The following PPP1CB variants were observed in gnomAD, a reference collection of about 807,000 sequenced individuals.
PPP1CB encodes the protein protein phosphatase 1 catalytic subunit beta, also known as serine/threonine-protein phosphatase PP1-beta catalytic subunit.
PPP1CB carries 2 observed loss-of-function variants against 43.7 expected under a neutral mutation model. The ratio of observed to expected loss-of-function variants is 0.05; its 90% CI spans 0.02 to 0.14. The LOEUF is 0.14. PPP1CB is among the 10% of genes least tolerant of loss of function. PPP1CB has a pLI of 1.00. For missense variants in PPP1CB, 84 were observed against 398.0 expected, an observed-to-expected ratio of 0.21 and a Z score of 6.71; for synonymous variants, 136 against 135.6, an observed-to-expected ratio of 1.00 and a Z score of -0.02.
intron 1 of PPP1CB, among the ~76,000 whole-genome samples, chr2:28,759,734 C>T (rs1027151998): frequency 6.6e-6 from 1 of 151,650 alleles, no homozygotes; most frequent in East Asian, 2.0e-4. Context: ...TCTCCTGCCT[C>T]AGCCTCCTGA....
In PPP1CB at chr2:28,770,239, G is replaced by A. The variant is rs536847947; in HGVS notation, c.53-6612G>A. On this transcript the variant is annotated intron_variant, in intron 1 of 7. Transcript: ENST00000395366. Reference sequence around the variant, plus strand: ...GATCATGCCGCTGCACTCCAGCCTGGGTGACAGAGTGAGACTCCATCTCAA... The same window carrying A: ...GATCATGCCGCTGCACTCCAGCCTGAGTGACAGAGTGAGACTCCATCTCAA... Among the ~76,000 whole-genome samples, 374 of 152,204 alleles carry A rather than the reference G, an allele frequency of 2.5e-3. 2 individuals are homozygous for A. Among genetic ancestry groups the A allele is most frequent in the African/African-American group, 8.4e-3 (347 of 41,510 alleles).
chr2:28,780,484 C>G (rs1667135338), intron 3 of PPP1CB, among the ~76,000 whole-genome samples: 1 of 152,146 alleles, frequency 6.6e-6, no homozygotes. Context: ...TTATTTAAAT[C>G]AGACTAGCAG....
intron 1 of PPP1CB, among the ~76,000 whole-genome samples, chr2:28,776,246 G>GT (rs1306821340): frequency 5.4e-5 from 8 of 148,934 alleles, no homozygotes; most frequent in African/African-American, 7.5e-5. Context: ...TTTTGTTGTT[G>GT]TTTTTTTTCT....
chr2:28,793,143 TGTA>T (rs1667422740), intron 6 of PPP1CB, among the ~76,000 whole-genome samples: 1 of 152,088 alleles, frequency 6.6e-6, no homozygotes, highest in Non-Finnish European at 1.5e-5. Context: ...AGGCAGAGGT[TGTA>T]GTGAGCCGAG....
At chr2:28,791,539 T>A (rs1191158601) in intron 6 of PPP1CB, among the ~76,000 whole-genome samples, 1 of 152,010 alleles carries the variant, frequency 6.6e-6, no homozygotes, top group African/African-American at 2.4e-5. Context: ...TATGTTGGCC[T>A]GGCTGGTCTC....
In PPP1CB at chr2:28,800,226, C is replaced by CTTTTTTTTTTTTTTTTTTTTTTTTTTTT. The variant is rs55736905; in HGVS notation, c.*946_*947insTTTTTTTTTTTTTTTTTTTTTTTTTTTT. On this transcript the variant is annotated 3_prime_UTR_variant, in exon 8 of 8. Coordinates refer to ENST00000395366, the MANE Select transcript of PPP1CB (RefSeq NM_002709.3). ...TTGGTTTTCTTTTTCTTTTTTCTTT[C>CTTTTTTTTTTTTTTTTTTTTTTTTTTTT]TTTTTTTTTTTTTTTTTTTTTTTGA... 1.8e-4 allele frequency: 12 copies of CTTTTTTTTTTTTTTTTTTTTTTTTTTTT among 65,608 alleles called. No homozygotes were observed. The highest frequency in any genetic ancestry group is 5.5e-4 in the East Asian group (1 of 1,810). The allele number at this position is 65,608 out of a possible 1,614,324, so 4.1% of individuals were successfully genotyped here.
chr2:28,778,648 A>G (rs1667088100), intron 2 of PPP1CB, 161 bp from the exon 3 acceptor site: 2 of 593,952 alleles, frequency 3.4e-6, no homozygotes, highest in South Asian at 2.1e-5. Context: ...CTTGGAAGTG[A>G]CAGCCCATCT....
chr2:28,777,150 A>G, intron 2 of PPP1CB, 168 bp downstream of exon 2: 1 of 602,586 alleles, frequency 1.7e-6, no homozygotes. Context: ...CAAGTTACAG[A>G]CAAGATGAAA....
chr2:28,757,666 C>G (rs577513718), intron 1 of PPP1CB, among the ~76,000 whole-genome samples: 2 of 152,226 alleles, frequency 1.3e-5, no homozygotes, highest in South Asian at 4.1e-4. Flanking sequence ...CTCCTTGATT[C>G]TTCTGGATGA....
At chr2:28,776,732 A>C in intron 1 of PPP1CB, 119 bp from the exon 2 acceptor site, 1 of 811,568 alleles carries the variant, frequency 1.2e-6, no homozygotes, top group Admixed American at 2.5e-5. Context: ...ATGGGACCAA[A>C]TAGGGTAATT....
intron 1 of PPP1CB, 32 bp from the exon 2 acceptor site, chr2:28,776,819 G>T: frequency 1.3e-6 from 2 of 1,572,394 alleles, no homozygotes; most frequent in African/African-American, 2.7e-5. Context: ...GTAAATTTTA[G>T]AAAACTGACT....
intron 1 of PPP1CB, among the ~76,000 whole-genome samples, chr2:28,755,053 T>A (rs1162739041): frequency 6.6e-6 from 1 of 152,158 alleles, no homozygotes; most frequent in Non-Finnish European, 1.5e-5. Context: ...TTTTTTTTGT[T>A]TTTTGTTTTT....
chr2:28,792,396 C>T (rs1278754013), intron 6 of PPP1CB, among the ~76,000 whole-genome samples: 1 of 152,008 alleles, frequency 6.6e-6, no homozygotes, highest in Non-Finnish European at 1.5e-5. Flanking sequence ...TGGCACACAC[C>T]TGTGGTCTCA....
At chr2:28,782,603 CTT>C (rs1402959534) in intron 4 of PPP1CB, 1 of 152,170 alleles carries the variant, frequency 6.6e-6, no homozygotes, top group African/African-American at 2.4e-5. Flanking sequence ...TTGAGACACT[CTT>C]TGTTGTCTAG....
intron 6 of PPP1CB, among the ~76,000 whole-genome samples, chr2:28,790,449 C>T (rs913610237): frequency 1.3e-5 from 2 of 152,146 alleles, no homozygotes; most frequent in African/African-American, 2.4e-5. Context: ...AAGTGATTCT[C>T]CTGCCTCAGC....
At chr2:28,775,516 T>C (rs909825119) in intron 1 of PPP1CB, among the ~76,000 whole-genome samples, 1 of 152,134 alleles carries the variant, frequency 6.6e-6, no homozygotes, top group African/African-American at 2.4e-5. Context: ...CAAGCAATTC[T>C]CTACTATGCT....
intron 1 of PPP1CB, among the ~76,000 whole-genome samples, chr2:28,769,132 A>G (rs1666844837): frequency 6.6e-6 from 1 of 152,240 alleles, no homozygotes; most frequent in Non-Finnish European, 1.5e-5. Flanking sequence ...TCAGGGAACA[A>G]TAATATGAAT....
In PPP1CB at chr2:28,759,915, G is replaced by T. The variant is rs1425446614; in HGVS notation, c.52+7739G>T. On this transcript the variant is annotated intron_variant, in intron 1 of 7. Transcript: ENST00000395366. ...ATTACAGGCTTGAGTCACTACGCAG[G>T]GCCCTGGAATATATTCTTATTTTAA... is the stretch of plus-strand genomic sequence containing the variant. 3.3e-5 allele frequency among the ~76,000 whole-genome samples: 5 copies of T among 150,736 alleles called. No individual in the cohort carries two copies. In the South Asian group the frequency reaches 1.1e-3, roughly 32 times the overall value.
At chr2:28,757,342 T>C (rs766170180) in intron 1 of PPP1CB, among the ~76,000 whole-genome samples, 1 of 152,216 alleles carries the variant, frequency 6.6e-6, no homozygotes, top group Non-Finnish European at 1.5e-5. Flanking sequence ...TCAACATTTG[T>C]GTAGAAGTTT....
Sources: allele counts gnomAD v4.1 joint callset (sites outside exome capture counted in the v4.1 genomes callset), GRCh38; gene constraint gnomAD v4.1.1; transcripts MANE v1.5; gene names NCBI Gene and HGNC (gene_info 2026-07-23, HGNC 2026-07-21).